The following DST variants were observed in gnomAD, a reference collection of about 807,000 sequenced individuals.
DST encodes the protein dystonin.
In DST, 253 loss-of-function variants were observed where a neutral mutation model predicts 875.2. The ratio of observed to expected loss-of-function variants is 0.29; its 90% CI spans 0.26 to 0.32. The LOEUF (loss-of-function observed/expected upper bound fraction) is 0.32. Ranked by LOEUF, DST falls within the 10% of genes least tolerant of loss-of-function variation. DST has a pLI of 1.00. For synonymous variants in DST, 3,124 were observed against 3,197.1 expected, an observed-to-expected ratio of 0.98 and a Z score of 0.77; for missense variants, 8,287 against 9,111.6, an observed-to-expected ratio of 0.91 and a Z score of 3.68.
intron 8 of DST, 50 bp downstream of exon 8, chr6:56,701,838 G>T: frequency 8.9e-7 from 1 of 1,122,798 alleles, no homozygotes; most frequent in African/African-American, 1.6e-5. Flanking sequence ...CTACGTGGAT[G>T]TATTAGTAAC....
rs2230867 is a variant in DST at position 56,616,414 on chromosome 6, G to C, written c.4930-1930C>G. ...GGTTTCTCTGGAAAGCCTCATACAC[G>C]GTCAATTCTGATCCTGTTTTAGTAT... On this transcript the variant is annotated intron_variant, in intron 36 of 103. Transcript: ENST00000680361. The C allele has an allele frequency of 1.2e-5, 19 of 1,613,796 alleles. No homozygotes were observed. Among genetic ancestry groups the C allele is most frequent in the Non-Finnish European group, 1.6e-5 (19 of 1,179,976 alleles).
At chr6:56,656,911 T>A (rs527285654) in intron 10 of DST, among the ~76,000 whole-genome samples, 2 of 152,126 alleles carry the variant, frequency 1.3e-5, no homozygotes, top group African/African-American at 4.8e-5. Context: ...ATAAGAAACA[T>A]GCTGAAGTTC....
At chr6:56,623,020 C>T (rs553178095) in intron 36 of DST, among the ~76,000 whole-genome samples, 10 of 152,218 alleles carry the variant, frequency 6.6e-5, no homozygotes, top group East Asian at 5.8e-4. Flanking sequence ...ATCTTTTACA[C>T]GACATTCCAT....
Position 56,578,472 on chromosome 6 carries a change from T to C in DST, c.13027+342A>G, listed in dbSNP as rs533822004. On this transcript the variant is annotated intron_variant, in intron 50 of 103. Transcript: ENST00000680361. Reference sequence around the variant, plus strand: ...GACCCTCAGAGATTCTACTTTGGCCTTAAGTTGAAGGCCTAACTCTGCCCA... The same window carrying C: ...GACCCTCAGAGATTCTACTTTGGCCCTAAGTTGAAGGCCTAACTCTGCCCA... 2.6e-5 allele frequency among the ~76,000 whole-genome samples: 4 copies of C among 152,272 alleles called. No homozygotes were observed. In the South Asian group the frequency reaches 8.3e-4, roughly 32 times the overall value.
chr6:56,469,332 C>G (rs1330518018), intron 97 of DST, among the ~76,000 whole-genome samples: 2 of 149,274 alleles, frequency 1.3e-5, no homozygotes, highest in Non-Finnish European at 3.0e-5. Flanking sequence ...CTAGCTACTA[C>G]ATATAAGAGA....
Position 56,642,011 on chromosome 6 carries a change from G to A in DST, c.1963C>T (p.His655Tyr), listed in dbSNP as rs2098910904. Reference protein sequence around the residue: ...ILECENLLRQHVIDVQILIDG... With the variant: ...ILECENLLRQYVIDVQILIDG... ...ATAAGAATCTGTACATCAATTACAT[G>A]CTGGCGTAAAAGGTTCTCACATTCA... Residue 655 changes from histidine to tyrosine, a missense_variant, in exon 17 of 104, where the codon CAT becomes TAT. By Grantham distance (83) the His-to-Tyr change is moderately conservative. Transcript: ENST00000680361. 6.2e-7 allele frequency: 1 copy of A among 1,613,208 alleles called. No individual in the cohort carries two copies.
intron 4 of DST, among the ~76,000 whole-genome samples, chr6:56,825,098 C>T (rs537430123): frequency 2.0e-5 from 3 of 151,862 alleles, no homozygotes; most frequent in African/African-American, 4.8e-5. Context: ...CGGATGGTTG[C>T]CGTGTCTGTG....
chr6:56,916,802 A>T (rs1207804033), intron 2 of DST, among the ~76,000 whole-genome samples: 7 of 148,400 alleles, frequency 4.7e-5, no homozygotes, highest in African/African-American at 1.5e-4. Context: ...ACACACACAC[A>T]CACACACACA....
Position 56,458,426 on chromosome 6 carries a change from T to C in DST, c.*579A>G, listed in dbSNP as rs747986501. On this transcript the variant is annotated 3_prime_UTR_variant, in exon 104 of 104. Transcript: ENST00000680361. Reference sequence around the variant, plus strand: ...AATATCCAGGATGCCTCTGGCCTCATTGAAAGCAATGGCAGAGAAATGCTG... The same window carrying C: ...AATATCCAGGATGCCTCTGGCCTCACTGAAAGCAATGGCAGAGAAATGCTG... The C allele has an allele frequency of 3.3e-5, 5 of 152,328 alleles. No homozygotes were observed. Among genetic ancestry groups the C allele is most frequent in the South Asian group, 2.1e-4 (1 of 4,838 alleles). 9.4% of individuals were successfully genotyped at this position (152,328 alleles called of 1,614,324 possible).
At chr6:56,654,112 T>C (rs568948863) in intron 10 of DST, among the ~76,000 whole-genome samples, 1 of 152,322 alleles carries the variant, frequency 6.6e-6, no homozygotes, top group Non-Finnish European at 1.5e-5. Context: ...CTTGCCTGTT[T>C]TATGGAAACC....
intron 4 of DST, among the ~76,000 whole-genome samples, chr6:56,784,052 C>T (rs1396205072): frequency 6.6e-6 from 1 of 152,072 alleles, no homozygotes; most frequent in Non-Finnish European, 1.5e-5. Context: ...GAATATTGGC[C>T]CCCACTCTCT....
intron 27 of DST, 90 bp downstream of exon 27, chr6:56,634,042 T>A (rs2098806217): frequency 1.4e-6 from 2 of 1,479,488 alleles, no homozygotes; most frequent in African/African-American, 2.8e-5. Context: ...GACTCCATCC[T>A]ATTCTAAAGC....
intron 90 of DST, among the ~76,000 whole-genome samples, chr6:56,480,864 T>C (rs2095379096): frequency 6.6e-6 from 1 of 152,152 alleles, no homozygotes; most frequent in Non-Finnish European, 1.5e-5. Context: ...TTATTGCTAC[T>C]CTGAGACCCA....
chr6:56,792,632 AATACACTG>A (rs974659041), intron 4 of DST, among the ~76,000 whole-genome samples: 9 of 152,166 alleles, frequency 5.9e-5, no homozygotes, highest in Non-Finnish European at 2.9e-5. Context: ...CCATTAATGG[AATACACTG>A]ATATGTGCTT....
At chr6:56,954,173 T>A in intron 1 of DST, among the ~76,000 whole-genome samples, 1 of 152,214 alleles carries the variant, frequency 6.6e-6, no homozygotes, top group Non-Finnish European at 1.5e-5. Context: ...AAATTTGAGT[T>A]CTTTCCTCCC....
In DST at chr6:56,561,468, G is replaced by A. The variant is rs181741923; in HGVS notation, c.14150C>T (p.Ala4717Val). The A allele has an allele frequency of 1.1e-4, 175 of 1,613,754 alleles. No homozygotes were observed. The highest frequency in any genetic ancestry group is 1.4e-4 in the Non-Finnish European group (161 of 1,179,764). The part of the protein sequence containing the change: ...DLGLLLKDKI[A>V]ELNTKLSKLQ... ...TTTGGAGAGTTTAGTGTTCAGTTCC[G>A]CTATTTTGTCCTTGAGTAAGAGGCC... The change falls in exon 57 of 104, where the codon GCG (alanine) becomes GTG (valine). Residue 4717 changes from alanine (A) to valine (V), a missense_variant. Transcript: ENST00000680361.
At chr6:56,550,675 C>CT (rs958964180) in intron 61 of DST, among the ~76,000 whole-genome samples, 1 of 152,116 alleles carries the variant, frequency 6.6e-6, no homozygotes, top group Non-Finnish European at 1.5e-5. Context: ...AAATGAAGGT[C>CT]TTTTTTCTAA....
In DST at chr6:56,619,840, T is replaced by A. The variant is rs772010318; in HGVS notation, c.4929+4690A>T. ...TTAGCAAACGAGCCTTTTCCTCAGA[T>A]GACGTTTTTTCAAGCTGGAGGGCAT... On this transcript the variant is annotated intron_variant, in intron 36 of 103. Transcript: ENST00000680361. The A allele has an allele frequency of 1.9e-6, 3 of 1,614,204 alleles. No individual in the cohort carries two copies. Among genetic ancestry groups the A allele is most frequent in the Non-Finnish European group, 2.5e-6 (3 of 1,180,042 alleles).
At chr6:56,832,146 G>A (rs1371745897) in intron 4 of DST, among the ~76,000 whole-genome samples, 1 of 152,114 alleles carries the variant, frequency 6.6e-6, no homozygotes, top group Admixed American at 6.6e-5. Flanking sequence ...CAAAGAAAAA[G>A]TATAAAGACT....
Sources: allele counts gnomAD v4.1 joint callset (sites outside exome capture counted in the v4.1 genomes callset), GRCh38; gene constraint gnomAD v4.1.1; transcripts MANE v1.5; gene names NCBI Gene and HGNC (gene_info 2026-07-23, HGNC 2026-07-21).